SYN3: variants seen among roughly 807,000 people sequenced by gnomAD.
SYN3 encodes the protein synapsin III.
In SYN3, 35 loss-of-function variants were observed where a neutral mutation model predicts 65.8. The ratio of observed to expected loss-of-function variants is 0.53; its 90% CI spans 0.41 to 0.70. The LOEUF is 0.70. Ranked by LOEUF, SYN3 falls within the 30% of genes least tolerant of loss-of-function variation. The pLI is 0.00. For synonymous variants in SYN3, 270 were observed against 292.9 expected, an observed-to-expected ratio of 0.92 and a Z score of 0.80; for missense variants, 680 against 749.0, an observed-to-expected ratio of 0.91 and a Z score of 1.08.
rs755124131 is a variant in SYN3, at chr22:32,801,979, C to T, written c.711+62936G>A. 1.3e-6 allele frequency: 2 copies of T among 1,579,976 alleles called. No individual in the cohort carries two copies. Among genetic ancestry groups the T allele is most frequent in the Non-Finnish European group, 8.5e-7 (1 of 1,170,444 alleles). Reference sequence around the variant, plus strand: ...ACTTTGGAGAGGCGAGCAGCAGCCCCGGCAGCGGCGGCAGCAGCGGCAATG... The same window carrying T: ...ACTTTGGAGAGGCGAGCAGCAGCCCTGGCAGCGGCGGCAGCAGCGGCAATG... On this transcript the variant is annotated intron_variant, in intron 6 of 13. Transcript: ENST00000358763. The surrounding 1 kb of genome is among the most constrained non-coding windows in gnomAD (Gnocchi z 4.7).
chr22:33,009,282 G>A (rs1312680478), intron 1 of SYN3, among the ~76,000 whole-genome samples: 3 of 152,082 alleles, frequency 2.0e-5, no homozygotes, highest in African/African-American at 7.2e-5. Flanking sequence ...TCTCACATTT[G>A]GTTGTCGTCG....
chr22:32,762,585 T>C (rs2045512298), intron 6 of SYN3, among the ~76,000 whole-genome samples: 1 of 151,946 alleles, frequency 6.6e-6, no homozygotes, highest in African/African-American at 2.4e-5. Context: ...CCATGAGACC[T>C]TGGGGAGGTC....
chr22:32,709,498 AC>A (rs1220203581), intron 6 of SYN3, among the ~76,000 whole-genome samples: 1 of 152,202 alleles, frequency 6.6e-6, no homozygotes, highest in Non-Finnish European at 1.5e-5. Flanking sequence ...GAAAATAGAA[AC>A]TTTTTTGAGT....
At chr22:32,999,500 C>G (rs2052993578) in intron 2 of SYN3, among the ~76,000 whole-genome samples, 3 of 152,054 alleles carry the variant, frequency 2.0e-5, no homozygotes, top group Admixed American at 2.0e-4. Flanking sequence ...ACCTGGCCAA[C>G]AAGATGAAAC....
Position 32,857,095 on chromosome 22 carries a change from A to G in SYN3, c.711+7820T>C, listed in dbSNP as rs148733511. 4.7e-4 allele frequency among the ~76,000 whole-genome samples: 71 copies of G among 152,284 alleles called. 2 individuals carry two copies. The East Asian group carries it at 8.5e-3, about 18-fold the overall frequency. ...CTTAGGTTGATTTCATATCTTGGCT[A>G]TTGTGAATATTGCTGCAGTCAACAT... On this transcript the variant is annotated intron_variant, in intron 6 of 13. Transcript: ENST00000358763.
At chr22:32,700,065 C>T (rs2060791000) in intron 6 of SYN3, among the ~76,000 whole-genome samples, 1 of 152,110 alleles carries the variant, frequency 6.6e-6, no homozygotes, top group Non-Finnish European at 1.5e-5. Context: ...AAAGCTTGTT[C>T]CAACAATCGA....
At chr22:32,601,602 T>C (rs2146620108) in intron 6 of SYN3, among the ~76,000 whole-genome samples, 2 of 150,164 alleles carry the variant, frequency 1.3e-5, no homozygotes, top group South Asian at 4.2e-4. Flanking sequence ...TACTTTGACT[T>C]GTGGGAAACA....
chr22:32,871,794 ATTATTTT>A (rs1321834742), intron 4 of SYN3, among the ~76,000 whole-genome samples: 2 of 151,822 alleles, frequency 1.3e-5, no homozygotes, highest in East Asian at 3.9e-4. Context: ...TTATTTTATT[ATTATTTT>A]TTATTTTTTG....
intron 1 of SYN3, among the ~76,000 whole-genome samples, chr22:33,052,557 T>A (rs1190267012): frequency 1.3e-5 from 2 of 150,120 alleles, no homozygotes; most frequent in African/African-American, 5.0e-5. Context: ...GGCCCTGCTG[T>A]ATACTCACAC....
intron 6 of SYN3, among the ~76,000 whole-genome samples, chr22:32,708,009 T>C (rs972118881): frequency 6.6e-6 from 1 of 152,246 alleles, no homozygotes; most frequent in Non-Finnish European, 1.5e-5. Context: ...CTTAGAGCCC[T>C]TAGATGATCT....
In SYN3 at chr22:32,643,560, G is replaced by A. The variant is rs535424387; in HGVS notation, c.712-46824C>T. Among the ~76,000 whole-genome samples, 392 of 126,664 alleles carry A rather than the reference G, an allele frequency of 3.1e-3. 58 individuals are homozygous for A. In the East Asian group the frequency reaches 0.044, roughly 14 times the overall value. The allele number at this position is 126,664 out of a possible 152,430, so 83.1% of individuals were successfully genotyped here. ...CAAATTAGAAATGGTGGGGGGGCGGGGGGGGCAGAACAGACCCATAAAGGA... is the reference window on the plus strand; with the variant it reads ...CAAATTAGAAATGGTGGGGGGGCGGAGGGGGCAGAACAGACCCATAAAGGA... On this transcript the variant is annotated intron_variant, in intron 6 of 13. Transcript: ENST00000358763.
At chr22:33,044,070 A>G (rs2054014209) in intron 1 of SYN3, among the ~76,000 whole-genome samples, 1 of 151,838 alleles carries the variant, frequency 6.6e-6, no homozygotes, top group East Asian at 1.9e-4. Flanking sequence ...AAAAAAGTGC[A>G]TTGAACTATG....
At chr22:32,806,007 G>A (rs2046724590) in intron 6 of SYN3, among the ~76,000 whole-genome samples, 1 of 151,858 alleles carries the variant, frequency 6.6e-6, no homozygotes, top group East Asian at 2.0e-4. Context: ...ATTAGATCTG[G>A]AAAAGACCCT....
At chr22:32,814,356 A>C (rs1376280361) in intron 6 of SYN3, among the ~76,000 whole-genome samples, 2 of 151,226 alleles carry the variant, frequency 1.3e-5, no homozygotes, top group South Asian at 4.2e-4. Flanking sequence ...AAAGAGAGAA[A>C]GAAAGAAAGA....
intron 6 of SYN3, among the ~76,000 whole-genome samples, chr22:32,622,243 C>T (rs144611613): frequency 6.6e-6 from 1 of 152,218 alleles, no homozygotes; most frequent in African/African-American, 2.4e-5. Context: ...TCTCCCCAAC[C>T]CTGACCTCTC....
chr22:32,728,163 T>C (rs879071046), intron 6 of SYN3, among the ~76,000 whole-genome samples: 1 of 152,174 alleles, frequency 6.6e-6, no homozygotes, highest in Non-Finnish European at 1.5e-5. Flanking sequence ...GCAATACCAT[T>C]CAGGACATAG....
At chr22:32,722,964 A>C (rs1003682773) in intron 6 of SYN3, among the ~76,000 whole-genome samples, 1 of 152,274 alleles carries the variant, frequency 6.6e-6, no homozygotes, top group East Asian at 1.9e-4. Context: ...TCTTCACCTC[A>C]AATTGCCTAC....
rs1602051793 is a variant in SYN3 at position 32,749,178 on chromosome 22, T to A, written c.711+115737A>T. Among the ~76,000 whole-genome samples, 3 of 152,274 alleles carry A rather than the reference T, an allele frequency of 2.0e-5. No individual in the cohort carries two copies. In the East Asian group the frequency reaches 5.8e-4, roughly 29 times the overall value. ...CCACTTTTCGGTTCATAGACGACTG[T>A]CTGCTCACTGTGTCCTCGAATGCCA... is the stretch of plus-strand genomic sequence containing the variant. On this transcript the variant is annotated intron_variant, in intron 6 of 13. Transcript: ENST00000358763.
chr22:32,590,193 T>G (rs73399233), intron 7 of SYN3, among the ~76,000 whole-genome samples: 5,662 of 152,320 alleles, frequency 0.037, 211 homozygotes, highest in African/African-American at 0.092. Flanking sequence ...TTTATGGTGA[T>G]AATCTCTTGC....
Sources: allele counts gnomAD v4.1 joint callset (sites outside exome capture counted in the v4.1 genomes callset), GRCh38; gene constraint gnomAD v4.1.1; non-coding constraint Gnocchi (gnomAD v3.1); transcripts MANE v1.5; gene names NCBI Gene and HGNC (gene_info 2026-07-23, HGNC 2026-07-21).